The following ALKBH8 variants were observed in gnomAD, a reference collection of about 807,000 sequenced individuals.
ALKBH8 encodes the protein tRNA (carboxymethyluridine(34)-5-O)-methyltransferase ALKBH8.
ALKBH8 carries 36 observed loss-of-function variants against 59.8 expected under a neutral mutation model. The ratio of observed to expected loss-of-function variants is 0.60; its 90% CI spans 0.46 to 0.79. The LOEUF (loss-of-function observed/expected upper bound fraction) is 0.79, where lower values mean the gene tolerates loss of function less well. Among genes scored for constraint, ALKBH8 ranks in the 30% least tolerant of loss-of-function variants. The pLI is 0.00. For missense variants in ALKBH8, 768 were observed against 801.0 expected, an observed-to-expected ratio of 0.96 and a Z score of 0.50; for synonymous variants, 276 against 273.6, an observed-to-expected ratio of 1.01 and a Z score of -0.09.
intron 8 of ALKBH8, among the ~76,000 whole-genome samples, chr11:107,527,827 A>G (rs945232193): frequency 6.6e-6 from 1 of 152,018 alleles, no homozygotes; most frequent in Non-Finnish European, 1.5e-5. Flanking sequence ...GACTTCTCAT[A>G]CTGGCTAAGA....
chr11:107,543,091 G>A (rs987300681), intron 7 of ALKBH8, among the ~76,000 whole-genome samples: 2 of 152,094 alleles, frequency 1.3e-5, no homozygotes, highest in Non-Finnish European at 2.9e-5. Context: ...CTTTTAGAAT[G>A]TTGGATATAG....
Position 107,504,680 on chromosome 11 carries a change from C to T in ALKBH8, c.1973G>A (p.Cys658Tyr). 1 of 1,548,346 alleles carries T rather than the reference C, an allele frequency of 6.5e-7. No homozygotes were observed. The highest frequency in any genetic ancestry group is 2.4e-5 in the East Asian group (1 of 40,898). The change falls in exon 12 of 12, where the codon TGT (cysteine) becomes TAT (tyrosine). Residue 658 changes from cysteine (C) to tyrosine (Y), a missense_variant. Coordinates refer to ENST00000428149, the MANE Select transcript of ALKBH8 (RefSeq NM_138775.3). ...LQSYYDQGNW[C>Y]VILQKA ...TAATCAGGCCTTTTGAAGAATCACA[C>T]ACCAGTTTCCTTGATCGTAGTAGCT...
chr11:107,536,648 C>A (rs1196743956), intron 7 of ALKBH8, among the ~76,000 whole-genome samples: 2 of 152,066 alleles, frequency 1.3e-5, no homozygotes, highest in African/African-American at 4.8e-5. Context: ...GCTGAGGGAA[C>A]CCTGAATGAA....
intron 2 of ALKBH8, among the ~76,000 whole-genome samples, chr11:107,560,322 T>C (rs1864886950): frequency 6.6e-6 from 1 of 152,204 alleles, no homozygotes; most frequent in African/African-American, 2.4e-5. Flanking sequence ...CAGGTTAAGG[T>C]TGGGAAGAGA....
chr11:107,562,158 G>A (rs985386935), intron 1 of ALKBH8, among the ~76,000 whole-genome samples: 47 of 152,180 alleles, frequency 3.1e-4, no homozygotes, highest in African/African-American at 1.1e-3. Flanking sequence ...AATTAGCCAC[G>A]TGTGGTGGTG....
chr11:107,514,124 T>C (rs1862756821), intron 10 of ALKBH8, among the ~76,000 whole-genome samples: 1 of 152,158 alleles, frequency 6.6e-6, no homozygotes, highest in Admixed American at 6.5e-5. Flanking sequence ...TTTTGAAATT[T>C]ACATGAGTAT....
chr11:107,520,698 T>C (rs1398596400), intron 10 of ALKBH8, among the ~76,000 whole-genome samples: 2 of 152,204 alleles, frequency 1.3e-5, no homozygotes, highest in African/African-American at 2.4e-5. Context: ...TAGGCCTTAT[T>C]CTTTATAAAT....
intron 7 of ALKBH8, among the ~76,000 whole-genome samples, chr11:107,546,058 T>C (rs7110574): frequency 0.27 from 41,449 of 152,170 alleles, 6,491 homozygotes; most frequent in Non-Finnish European, 0.36. Context: ...GACTCATTCT[T>C]TGTTCTAAAA....
rs375884885 is a variant in ALKBH8, at chr11:107,508,038, T to A, written c.1438-2823A>T. Among the ~76,000 whole-genome samples the A allele has an allele frequency of 1.6e-3, 243 of 152,158 alleles. 1 individual carries two copies. Among genetic ancestry groups the A allele is most frequent in the African/African-American group, 5.7e-3 (236 of 41,510 alleles). ...TGGCATTCAACCAACAACACATAAATCCAACAAATTATAAATAAATAAATA... is the reference window on the plus strand; with the variant it reads ...TGGCATTCAACCAACAACACATAAAACCAACAAATTATAAATAAATAAATA... On this transcript the variant is annotated intron_variant, in intron 11 of 11. Coordinates refer to ENST00000428149, the MANE Select transcript of ALKBH8 (RefSeq NM_138775.3).
intron 9 of ALKBH8, 24 bp from the exon 10 acceptor site, chr11:107,522,579 C>A: frequency 6.5e-7 from 1 of 1,538,170 alleles, no homozygotes; most frequent in East Asian, 2.5e-5. Context: ...CAATACACAC[C>A]TTTCCTTTTT....
At chr11:107,565,392 C>T (rs1246702483) in intron 1 of ALKBH8, 1 of 641,020 alleles carries the variant, frequency 1.6e-6, no homozygotes. Context: ...CCGAACCAAA[C>T]ACAAACACAT....
In ALKBH8 at chr11:107,556,890, C is replaced by A. The variant is rs17107135; in HGVS notation, c.243G>T (p.Pro81=). 6.2e-7 allele frequency: 1 copy of A among 1,611,220 alleles called. No individual in the cohort carries two copies. The highest frequency in any genetic ancestry group is 8.5e-7 in the Non-Finnish European group (1 of 1,178,688). Residue 81 remains proline (P), a synonymous_variant, in exon 3 of 12, where the codon CCG becomes CCT. Coordinates refer to ENST00000428149, the MANE Select transcript of ALKBH8 (RefSeq NM_138775.3). ...TAGTTCTGTATCTTGCAAATGAGTA[C>A]GGCTTGTTAGGTGGCATTAAGAGAG... is the stretch of plus-strand genomic sequence containing the variant. The part of the protein sequence containing the change: ...VDALLMPPNK[P]YSFARYRTTE...
chr11:107,549,386 C>T (rs1001548657), intron 7 of ALKBH8, among the ~76,000 whole-genome samples: 1 of 152,172 alleles, frequency 6.6e-6, no homozygotes, highest in African/African-American at 2.4e-5. Flanking sequence ...TCAGAACACA[C>T]ATTTTAATTT....
chr11:107,514,323 T>A (rs1862766751), intron 10 of ALKBH8, among the ~76,000 whole-genome samples: 1 of 152,080 alleles, frequency 6.6e-6, no homozygotes, highest in African/African-American at 2.4e-5. Flanking sequence ...GAATGGAAAT[T>A]AAAAAAAATT....
chr11:107,516,077 T>G (rs1161310915), intron 10 of ALKBH8, among the ~76,000 whole-genome samples: 1 of 152,214 alleles, frequency 6.6e-6, no homozygotes, highest in Admixed American at 6.5e-5. Flanking sequence ...AGCACTGCAC[T>G]TAAGCCACAT....
chr11:107,530,361 G>C (rs1185183936), intron 8 of ALKBH8, among the ~76,000 whole-genome samples: 4 of 152,112 alleles, frequency 2.6e-5, no homozygotes, highest in Admixed American at 6.5e-5. Context: ...TAGTGCTTTT[G>C]TTTCTTCAGC....
At chr11:107,506,762 G>C (rs756159807) in intron 11 of ALKBH8, among the ~76,000 whole-genome samples, 1 of 152,132 alleles carries the variant, frequency 6.6e-6, no homozygotes, top group Non-Finnish European at 1.5e-5. Context: ...CACACAAGCT[G>C]AGAGAATGTG....
chr11:107,536,691 GGGGAA>G (rs1171401234), intron 7 of ALKBH8, among the ~76,000 whole-genome samples: 1 of 152,140 alleles, frequency 6.6e-6, no homozygotes, highest in African/African-American at 2.4e-5. Flanking sequence ...TCAGCGGTAA[GGGGAA>G]GGGTGAGTGG....
chr11:107,522,627 G>GAA (rs1169086944), intron 9 of ALKBH8, 72 bp from the exon 10 acceptor site: 13 of 1,171,208 alleles, frequency 1.1e-5, no homozygotes, highest in Admixed American at 6.8e-5. Flanking sequence ...TTTCTTAAAT[G>GAA]AAAAAAAAAA....
Sources: allele counts gnomAD v4.1 joint callset (sites outside exome capture counted in the v4.1 genomes callset), GRCh38; gene constraint gnomAD v4.1.1; transcripts MANE v1.5; gene names NCBI Gene and HGNC (gene_info 2026-07-23, HGNC 2026-07-21).